PPARGC1B: variants seen among roughly 807,000 people sequenced by gnomAD.
PPARGC1B encodes the protein peroxisome proliferator-activated receptor gamma coactivator 1-beta.
Under a neutral mutation model 101.6 loss-of-function variants are expected in PPARGC1B, and 34 were observed. The observed-to-expected ratio is 0.33, with a 90% CI of 0.25 to 0.45. PPARGC1B has a LOEUF of 0.45. PPARGC1B is among the 20% of genes least tolerant of loss of function. The probability of loss-of-function intolerance (pLI) is 1.00; values close to 1 mark genes in which losing one functional copy is unlikely to be tolerated. For synonymous variants in PPARGC1B, 548 were observed against 539.3 expected, an observed-to-expected ratio of 1.02 and a Z score of -0.22; for missense variants, 1,234 against 1,317.6, an observed-to-expected ratio of 0.94 and a Z score of 0.98.
intron 1 of PPARGC1B, among the ~76,000 whole-genome samples, chr5:149,788,437 AG>A (rs1262466075): frequency 2.6e-5 from 4 of 152,228 alleles, no homozygotes; most frequent in African/African-American, 9.6e-5. Context: ...CAGGTGCTGG[AG>A]AGGATGTGGA....
At chr5:149,843,449 A>G (rs1490420436) in intron 10 of PPARGC1B, among the ~76,000 whole-genome samples, 1 of 152,242 alleles carries the variant, frequency 6.6e-6, no homozygotes, top group Non-Finnish European at 1.5e-5. Context: ...GTTATTATAT[A>G]CTTCTTGCCC....
chr5:149,803,461 G>T (rs1228789175), intron 1 of PPARGC1B, among the ~76,000 whole-genome samples: 1 of 152,206 alleles, frequency 6.6e-6, no homozygotes, highest in Non-Finnish European at 1.5e-5. Flanking sequence ...ACCAGTCCTA[G>T]TAGAGTGGGA....
intron 1 of PPARGC1B, among the ~76,000 whole-genome samples, chr5:149,810,911 G>C (rs1462846807): frequency 6.6e-6 from 1 of 152,112 alleles, no homozygotes; most frequent in Non-Finnish European, 1.5e-5. Flanking sequence ...TCTGTGTTAT[G>C]GTAGTCCATC....
chr5:149,749,389 C>T (rs968993112), intron 1 of PPARGC1B, among the ~76,000 whole-genome samples: 7 of 152,274 alleles, frequency 4.6e-5, no homozygotes, highest in East Asian at 3.9e-4. Context: ...AGGAACTGGA[C>T]GGGAATGTGA....
intron 11 of PPARGC1B, chr5:149,846,638 G>C (rs1759569607): frequency 1.5e-5 from 1 of 64,622 alleles, no homozygotes; most frequent in Non-Finnish European, 2.6e-5. Flanking sequence ...TGTCTCAAAA[G>C]GAAAGAAAAA....
intron 1 of PPARGC1B, among the ~76,000 whole-genome samples, chr5:149,776,789 A>T (rs1290928327): frequency 6.6e-6 from 1 of 152,222 alleles, no homozygotes; most frequent in Admixed American, 6.5e-5. Flanking sequence ...GCTTCAGACA[A>T]GTTTGAGCAG....
chr5:149,814,275 A>G (rs1472637538), intron 1 of PPARGC1B, among the ~76,000 whole-genome samples: 1 of 152,242 alleles, frequency 6.6e-6, no homozygotes, highest in African/African-American at 2.4e-5. Context: ...ATCTCAAGAC[A>G]GTCCTTCTTT....
At chr5:149,742,645 C>T (rs146772500) in intron 1 of PPARGC1B, among the ~76,000 whole-genome samples, 10 of 152,312 alleles carry the variant, frequency 6.6e-5, no homozygotes, top group African/African-American at 2.2e-4. Context: ...AGGTACTAAG[C>T]TAGGGCCATT....
At chr5:149,763,529 T>G (rs1237542744) in intron 1 of PPARGC1B, among the ~76,000 whole-genome samples, 3 of 34,984 alleles carry the variant, frequency 8.6e-5, no homozygotes, top group East Asian at 9.1e-4. Flanking sequence ...ACTCCTGGTT[T>G]TTTTTTTTTT....
At chr5:149,783,283 A>G (rs1179409015) in intron 1 of PPARGC1B, among the ~76,000 whole-genome samples, 2 of 152,192 alleles carry the variant, frequency 1.3e-5, no homozygotes, top group Non-Finnish European at 2.9e-5. Flanking sequence ...TGGGCTGCAC[A>G]GTTTTTCATA....
chr5:149,812,793 AGTT>A (rs747634383), intron 1 of PPARGC1B, among the ~76,000 whole-genome samples: 31 of 152,244 alleles, frequency 2.0e-4, no homozygotes, highest in Middle Eastern at 3.4e-3. Context: ...CAATCCAACC[AGTT>A]GTTGTAGCCA....
chr5:149,821,159 G>A (rs1020253874), intron 2 of PPARGC1B, among the ~76,000 whole-genome samples: 40 of 152,312 alleles, frequency 2.6e-4, no homozygotes, highest in African/African-American at 9.4e-4. Context: ...AGCTGTCCCT[G>A]TTTGTGTATA....
At chr5:149,784,771 G>A (rs1756736444) in intron 1 of PPARGC1B, among the ~76,000 whole-genome samples, 1 of 151,846 alleles carries the variant, frequency 6.6e-6, no homozygotes, top group African/African-American at 2.4e-5. Context: ...GTTTCACCGT[G>A]TTAGCCAGGA....
intron 1 of PPARGC1B, among the ~76,000 whole-genome samples, chr5:149,752,521 A>G (rs1408947726): frequency 6.6e-6 from 1 of 152,180 alleles, no homozygotes; most frequent in African/African-American, 2.4e-5. Context: ...TGTAACACAG[A>G]CCCTGGTTTA....
intron 1 of PPARGC1B, among the ~76,000 whole-genome samples, chr5:149,768,839 G>C (rs776304491): frequency 6.6e-6 from 1 of 151,836 alleles, no homozygotes; most frequent in Non-Finnish European, 1.5e-5. Flanking sequence ...TTTTTTTGTA[G>C]AGATGAGATT....
intron 3 of PPARGC1B, among the ~76,000 whole-genome samples, chr5:149,829,197 C>T (rs1758644330): frequency 6.6e-6 from 1 of 152,170 alleles, no homozygotes; most frequent in African/African-American, 2.4e-5. Context: ...AGGTCAGCAA[C>T]TTCTGTCATA....
At chr5:149,803,023 C>CT (rs1757482624) in intron 1 of PPARGC1B, among the ~76,000 whole-genome samples, 2 of 152,180 alleles carry the variant, frequency 1.3e-5, no homozygotes, top group African/African-American at 4.8e-5. Context: ...CCTCCACTGT[C>CT]TTTCCTCCTT....
chr5:149,740,979 AGATCAGAG>A (rs1247264583), intron 1 of PPARGC1B, among the ~76,000 whole-genome samples: 1 of 152,196 alleles, frequency 6.6e-6, no homozygotes, highest in Non-Finnish European at 1.5e-5. Context: ...GACTAGAAAC[AGATCAGAG>A]GATGCCTTCA....
intron 1 of PPARGC1B, among the ~76,000 whole-genome samples, chr5:149,804,832 A>G (rs1038145462): frequency 5.9e-5 from 9 of 152,168 alleles, no homozygotes; most frequent in Non-Finnish European, 1.3e-4. Flanking sequence ...GTTGTGTTCC[A>G]TGGGAAGGAA....
Sources: allele counts gnomAD v4.1 joint callset (sites outside exome capture counted in the v4.1 genomes callset), GRCh38; gene constraint gnomAD v4.1.1; transcripts MANE v1.5; gene names NCBI Gene and HGNC (gene_info 2026-07-23, HGNC 2026-07-21).